ADGRL3: variants seen among roughly 807,000 people sequenced by gnomAD.
ADGRL3 encodes the protein calcium-independent alpha-latrotoxin receptor 3.
Under a neutral mutation model 153.5 loss-of-function variants are expected in ADGRL3, and 62 were observed. The ratio of observed to expected loss-of-function variants is 0.40; its 90% CI spans 0.33 to 0.50. ADGRL3 has a LOEUF of 0.50. Among genes scored for constraint, ADGRL3 ranks in the 20% least tolerant of loss-of-function variants. The pLI is 0.47. For synonymous variants in ADGRL3, 710 were observed against 672.5 expected, an observed-to-expected ratio of 1.06 and a Z score of -0.86; for missense variants, 1,641 against 1,859.4, an observed-to-expected ratio of 0.88 and a Z score of 2.16.
chr4:62,000,378 TG>T (rs1462149332), intron 21 of ADGRL3, among the ~76,000 whole-genome samples: 1 of 152,064 alleles, frequency 6.6e-6, no homozygotes, highest in African/African-American at 2.4e-5. Flanking sequence ...TCAATTTGTT[TG>T]TATAATGTTC....
chr4:62,063,532 A>G (rs1741335608), intron 25 of ADGRL3: 1 of 697,170 alleles, frequency 1.4e-6, no homozygotes, highest in Non-Finnish European at 2.6e-6. Flanking sequence ...CTTATAAGCA[A>G]TGCTCTGCTT....
chr4:61,688,884 C>A (rs2095492441), intron 6 of ADGRL3, among the ~76,000 whole-genome samples: 2 of 152,178 alleles, frequency 1.3e-5, no homozygotes, highest in African/African-American at 2.4e-5. Context: ...TAAACCAGTT[C>A]TCTTTTATGC....
intron 21 of ADGRL3, among the ~76,000 whole-genome samples, chr4:62,016,077 T>A (rs2099209985): frequency 6.6e-6 from 1 of 151,940 alleles, no homozygotes; most frequent in Non-Finnish European, 1.5e-5. Context: ...TGAGATGGAG[T>A]CTCGCTCTGT....
chr4:61,814,811 T>G (rs536596239), intron 9 of ADGRL3, among the ~76,000 whole-genome samples: 1 of 152,272 alleles, frequency 6.6e-6, no homozygotes, highest in South Asian at 2.1e-4. Context: ...TTTCCCTGAC[T>G]GTGTGATAGG....
At chr4:61,562,543 C>T (rs1256940876) in intron 4 of ADGRL3, among the ~76,000 whole-genome samples, 1 of 152,144 alleles carries the variant, frequency 6.6e-6, no homozygotes, top group African/African-American at 2.4e-5. Context: ...TTCCACAATG[C>T]TCCCAGAATG....
At chr4:61,831,823 A>G (rs984205612) in intron 9 of ADGRL3, among the ~76,000 whole-genome samples, 3 of 152,140 alleles carry the variant, frequency 2.0e-5, no homozygotes, top group African/African-American at 7.2e-5. Context: ...TCCCAAAAGA[A>G]CTGATCAAGA....
intron 8 of ADGRL3, among the ~76,000 whole-genome samples, chr4:61,774,728 T>C (rs1238513064): frequency 6.6e-6 from 1 of 152,192 alleles, no homozygotes; most frequent in Non-Finnish European, 1.5e-5. Flanking sequence ...TTGTTATAAT[T>C]GTTCTATTTT....
intron 8 of ADGRL3, among the ~76,000 whole-genome samples, chr4:61,806,823 C>T (rs533653485): frequency 7.9e-5 from 12 of 151,932 alleles, no homozygotes; most frequent in Admixed American, 2.6e-4. Context: ...CTATATAATA[C>T]GATGAATCGT....
chr4:61,775,588 TC>T lies in ADGRL3; in HGVS notation c.1400-38217del, dbSNP rs147981117. 20,095 of 992,736 alleles carry T rather than the reference TC, an allele frequency of 0.02. 1,410 individuals are homozygous for T. In the East Asian group the frequency reaches 0.21, roughly 10 times the overall value. The allele number at this position is 992,736 out of a possible 1,614,324, so 61.5% of individuals were successfully genotyped here. On this transcript the variant is annotated intron_variant, in intron 8 of 26. Coordinates refer to ENST00000683033, the MANE Select transcript of ADGRL3 (RefSeq NM_001387552.1). ...GTCAGTTTTACAGAGGCCTACCCTT[TC>T]CCCTAGTTTCTTGTTGTCATCAACC...
At chr4:61,230,561 T>C (rs998283157) in intron 1 of ADGRL3, among the ~76,000 whole-genome samples, 3 of 152,158 alleles carry the variant, frequency 2.0e-5, no homozygotes, top group Non-Finnish European at 4.4e-5. Context: ...AATTATTTTG[T>C]TTTTTGTAGA....
chr4:61,773,475 A>C (rs2097109434), intron 8 of ADGRL3, among the ~76,000 whole-genome samples: 1 of 152,198 alleles, frequency 6.6e-6, no homozygotes, highest in Admixed American at 6.5e-5. Flanking sequence ...CTTTCCACCA[A>C]ATTATTACAT....
intron 1 of ADGRL3, among the ~76,000 whole-genome samples, chr4:61,327,329 T>G (rs1036610828): frequency 2.6e-5 from 1 of 38,228 alleles, no homozygotes; most frequent in Non-Finnish European, 8.9e-5. Context: ...TTTACTCAGT[T>G]TTTTTTTTTT....
intron 1 of ADGRL3, among the ~76,000 whole-genome samples, chr4:61,262,915 T>C (rs533023186): frequency 6.6e-6 from 1 of 152,254 alleles, no homozygotes; most frequent in South Asian, 2.1e-4. Flanking sequence ...AAAATGTTTC[T>C]GGACCAGCCA....
Position 61,771,232 on chromosome 4 carries a change from CT to C in ADGRL3, c.1399+37679del, listed in dbSNP as rs567337474. Among the ~76,000 whole-genome samples, 104 of 152,314 alleles carry C rather than the reference CT, an allele frequency of 6.8e-4. 2 individuals are homozygous for C. The South Asian group carries it at 0.021, about 30-fold the overall frequency. ...CTGTGGGCATGTTTAGGCAAGACCCCTGTGCAAGTTCCCTTATCTGCACAAA... is the reference window on the plus strand; with the variant it reads ...CTGTGGGCATGTTTAGGCAAGACCCCGTGCAAGTTCCCTTATCTGCACAAA... On this transcript the variant is annotated intron_variant, in intron 8 of 26. Transcript: ENST00000683033.
intron 5 of ADGRL3, among the ~76,000 whole-genome samples, chr4:61,645,653 C>T (rs1180323617): frequency 6.6e-6 from 1 of 152,176 alleles, no homozygotes; most frequent in Non-Finnish European, 1.5e-5. Flanking sequence ...GCCGAGAGAT[C>T]CACTGTTAGT....
chr4:61,587,406 T>C lies in ADGRL3; in HGVS notation c.439T>C (p.Tyr147His), dbSNP rs2098950638. 2 of 1,612,308 alleles carry C rather than the reference T, an allele frequency of 1.2e-6. No individual in the cohort carries two copies. The highest frequency in any genetic ancestry group is 1.7e-6 in the Non-Finnish European group (2 of 1,178,982). ...DPAQMENIRCYLPDAYKIMSQ... is the reference protein window; with the variant it reads ...DPAQMENIRCHLPDAYKIMSQ... ...TGCTCAGATGGAGAATATCCGATGT[T>C]ATCTGCCAGATGCCTATAAGATTAT... Residue 147 changes from tyrosine (Y) to histidine (H), a missense_variant, in exon 5 of 27, where the codon TAT becomes CAT. Tyr to His is a moderately conservative substitution (Grantham distance 83). Coordinates refer to ENST00000683033, the MANE Select transcript of ADGRL3 (RefSeq NM_001387552.1).
chr4:61,382,634 T>C (rs1462608308), intron 1 of ADGRL3, among the ~76,000 whole-genome samples: 1 of 151,780 alleles, frequency 6.6e-6, no homozygotes, highest in Admixed American at 6.6e-5. Flanking sequence ...AATAAATAGA[T>C]TACAGTATTT....
chr4:61,667,974 A>T (rs546965744), intron 5 of ADGRL3, among the ~76,000 whole-genome samples: 2 of 152,138 alleles, frequency 1.3e-5, no homozygotes, highest in South Asian at 4.1e-4. Context: ...TTTTTACTTA[A>T]CATGTGTTAG....
At chr4:61,903,682 A>G (rs2098678926) in intron 11 of ADGRL3, among the ~76,000 whole-genome samples, 1 of 133,966 alleles carries the variant, frequency 7.5e-6, no homozygotes, top group Non-Finnish European at 1.6e-5. Context: ...AAAAAAAAAA[A>G]AGAATAGAGG....
Sources: allele counts gnomAD v4.1 joint callset (sites outside exome capture counted in the v4.1 genomes callset), GRCh38; gene constraint gnomAD v4.1.1; transcripts MANE v1.5; gene names NCBI Gene and HGNC (gene_info 2026-07-23, HGNC 2026-07-21).